Variants in NRG1 observed in about 807,000 individuals in gnomAD.
NRG1 encodes the protein neuregulin 1.
A neutral mutation model predicts 63.8 loss-of-function variants in NRG1; 18 were observed. The observed-to-expected ratio is 0.28, with a 90% confidence interval of 0.19 to 0.42. The LOEUF (loss-of-function observed/expected upper bound fraction) is 0.42, where lower values mean the gene tolerates loss of function less well. NRG1 is among the 10% of genes least tolerant of loss of function. The pLI is 1.00. For missense variants in NRG1, 762 were observed against 814.7 expected (o/e 0.94, Z 0.79); for synonymous variants, 302 against 301.3 (o/e 1.00, Z -0.02).
chr8:31,672,780 A>C (rs1563278248), intron 1 of NRG1, among the ~76,000 whole-genome samples: 1 of 152,148 alleles, frequency 6.6e-6, no homozygotes, highest in Non-Finnish European at 1.5e-5. Flanking sequence ...TTTAGTTGGC[A>C]TCCTCGAGTA....
intron 1 of NRG1, among the ~76,000 whole-genome samples, chr8:32,135,971 T>C (rs963603008): frequency 4.0e-4 from 47 of 117,976 alleles, no homozygotes; most frequent in Non-Finnish European, 8.5e-4. Context: ...TGAGATGTTT[T>C]GAAAAAGAGA....
chr8:32,312,157 G>GCT (rs1856879048), intron 1 of NRG1, among the ~76,000 whole-genome samples: 1 of 74,400 alleles, frequency 1.3e-5, no homozygotes, highest in African/African-American at 5.5e-5. Flanking sequence ...GACCTTGTTT[G>GCT]TTTTTTTTTT....
At chr8:32,019,887 G>A (rs190326287) in intron 1 of NRG1, among the ~76,000 whole-genome samples, 10 of 152,194 alleles carry the variant, frequency 6.6e-5, no homozygotes, top group Admixed American at 2.0e-4. Flanking sequence ...TATTATGCTC[G>A]TTTGGTCTAT....
At chr8:32,535,360 G>T (rs1831856164) in intron 1 of NRG1, among the ~76,000 whole-genome samples, 1 of 152,148 alleles carries the variant, frequency 6.6e-6, no homozygotes, top group Non-Finnish European at 1.5e-5. Flanking sequence ...ATTACTGATA[G>T]AAAAGTTCTT....
At chr8:32,650,386 T>C (rs1233613480) in intron 5 of NRG1, among the ~76,000 whole-genome samples, 2 of 152,148 alleles carry the variant, frequency 1.3e-5, no homozygotes, top group Non-Finnish European at 2.9e-5. Context: ...AGTAGTTTTC[T>C]CCTGAAAAGT....
Position 31,959,790 on chromosome 8 carries a change from ATTTATTATTTATTTAT to A in NRG1, c.37+320362_37+320377del, listed in dbSNP as rs1287996574. Among the ~76,000 whole-genome samples the A allele has an allele frequency of 1.2e-3, 160 of 130,232 alleles. 1 individual carries two copies. Among genetic ancestry groups the A allele is most frequent in the African/African-American group, 1.9e-3 (64 of 32,998 alleles). 85.4% of individuals were successfully genotyped at this position (130,232 alleles called of 152,430 possible). A position where few individuals can be genotyped will look rare whatever the true frequency, so the allele number is the denominator to read the frequency against. On this transcript the variant is annotated intron_variant, in intron 1 of 10. Transcript: ENST00000519301. ...CCAAGCAACCACCGATTATTTATTTATTTATTATTTATTTATTTATTTATTTATTTATTTATTTATT... is the reference window on the plus strand; with the variant it reads ...CCAAGCAACCACCGATTATTTATTTATTATTTATTTATTTATTTATTTATT...
At chr8:32,270,199 G>A (rs1043876735) in intron 1 of NRG1, among the ~76,000 whole-genome samples, 5 of 152,140 alleles carry the variant, frequency 3.3e-5, no homozygotes, top group African/African-American at 7.2e-5. Context: ...GTAATGAGAC[G>A]TTTTGCTAAA....
At chr8:31,979,266 C>A (rs1027157241) in intron 1 of NRG1, among the ~76,000 whole-genome samples, 17 of 152,114 alleles carry the variant, frequency 1.1e-4, no homozygotes, top group Non-Finnish European at 1.9e-4. Context: ...TGAATGGAAA[C>A]AGGATAATGG....
chr8:32,418,624 T>C (rs1206677099), intron 1 of NRG1, among the ~76,000 whole-genome samples: 1 of 152,110 alleles, frequency 6.6e-6, no homozygotes, highest in Admixed American at 6.6e-5. Flanking sequence ...TGTATTAAAA[T>C]GATAAGTCTA....
At chr8:31,687,596 A>T in intron 1 of NRG1, among the ~76,000 whole-genome samples, 1 of 152,196 alleles carries the variant, frequency 6.6e-6, no homozygotes, top group East Asian at 1.9e-4. Context: ...TTTATAATGA[A>T]GATGTAAAAC....
intron 1 of NRG1, among the ~76,000 whole-genome samples, chr8:32,324,509 A>G (rs551591104): frequency 4.8e-4 from 73 of 152,254 alleles, no homozygotes; most frequent in Admixed American, 4.3e-3. Context: ...GGAGGCTTCT[A>G]ACTAATGGGG....
At chr8:31,894,845 C>T (rs564575728) in intron 1 of NRG1, among the ~76,000 whole-genome samples, 79 of 152,172 alleles carry the variant, frequency 5.2e-4, no homozygotes, top group African/African-American at 1.7e-3. Context: ...CCACCGCACC[C>T]GGCCCATAAT....
chr8:32,518,766 T>C (rs935456471), intron 1 of NRG1, among the ~76,000 whole-genome samples: 2 of 152,124 alleles, frequency 1.3e-5, no homozygotes, highest in Non-Finnish European at 2.9e-5. Flanking sequence ...TTTGGTGTAA[T>C]GGCAGGATAA....
At chr8:32,764,024 C>T (rs116183863) in exon 12 of NRG1, 5 of 1,614,102 alleles carry the variant, frequency 3.1e-6, no homozygotes, top group African/African-American at 2.7e-5. Flanking sequence ...TCCCTGCTAG[C>T]CCCTTGAGGA....
chr8:31,710,645 A>G (rs1271908489), intron 1 of NRG1, among the ~76,000 whole-genome samples: 1 of 152,018 alleles, frequency 6.6e-6, no homozygotes, highest in Non-Finnish European at 1.5e-5. Context: ...GAAAAATAAG[A>G]CCATCTACTT....
intron 1 of NRG1, among the ~76,000 whole-genome samples, chr8:31,888,759 T>C (rs1830920751): frequency 6.6e-6 from 1 of 152,148 alleles, no homozygotes; most frequent in Non-Finnish European, 1.5e-5. Context: ...TAGGGTCTTT[T>C]CATGGCAGAT....
intron 1 of NRG1, among the ~76,000 whole-genome samples, chr8:32,566,843 ATTTTG>A (rs147553505): frequency 0.58 from 87,535 of 150,732 alleles, 25,971 homozygotes; most frequent in East Asian, 0.85. Context: ...AGAAAGTAGC[ATTTTG>A]TTTTGTTTTG....
At position 32,499,064 on chromosome 8, in the gene NRG1, C is replaced by A. The variant is rs1327333277; in HGVS notation, c.38-96764C>A. Among the ~76,000 whole-genome samples the A allele has an allele frequency of 4.6e-5, 7 of 152,196 alleles. No homozygotes were observed. The East Asian group carries it at 1.4e-3, about 29-fold the overall frequency. ...TAGTTCCTGAGAGGTAAGAGACCTGCAAAGGGAAAGAACATAGATCAGAAC... is the reference window on the plus strand; with the variant it reads ...TAGTTCCTGAGAGGTAAGAGACCTGAAAAGGGAAAGAACATAGATCAGAAC... On this transcript the variant is annotated intron_variant, in intron 1 of 10. Transcript: ENST00000519301.
chr8:32,098,817 A>T (rs901385692), intron 1 of NRG1: 6 of 152,188 alleles, frequency 3.9e-5, no homozygotes, highest in Admixed American at 3.9e-4. Flanking sequence ...AACACATAGC[A>T]CTGGGGCACA....
Sources: gnomAD v4.1 joint callset for allele counts (sites outside exome capture counted in the v4.1 genomes callset) on GRCh38, gnomAD v4.1.1 for gene constraint, MANE v1.5 for transcripts, NCBI Gene and HGNC (gene_info 2026-07-23, HGNC 2026-07-21) for gene names.